Variants in ABCG5 observed in about 807,000 individuals in gnomAD.
ABCG5 encodes ATP-binding cassette sub-family G member 5.
ABCG5 carries 64 observed loss-of-function variants against 64.5 expected under a neutral mutation model. The ratio of observed to expected loss-of-function variants is 0.99; its 90% CI spans 0.81 to 1.22. The LOEUF (loss-of-function observed/expected upper bound fraction) is 1.22, where lower values mean the gene tolerates loss of function less well. Ranked by LOEUF, ABCG5 falls within the 50% of genes most tolerant of loss-of-function variation. The probability of loss-of-function intolerance (pLI) is 0.00; values close to 1 mark genes in which losing one functional copy is unlikely to be tolerated. For synonymous variants in ABCG5, 385 were observed against 326.3 expected (o/e 1.18, Z -1.94); for missense variants, 908 against 829.5 (o/e 1.09, Z -1.16).
rs1315848132 is a variant in ABCG5, at chr2:43,817,412, G to A, written c.1649+2503C>T. 2.6e-5 allele frequency among the ~76,000 whole-genome samples: 4 copies of A among 152,236 alleles called. No homozygotes were observed. The East Asian group carries it at 5.8e-4, about 22-fold the overall frequency. ...AGGCAGGAGAATTGCTTGAACCTGA[G>A]AGACGGAGGTTGCAGTGAGCCGAGA... On this transcript the variant is annotated intron_variant, in intron 11 of 12. Transcript: ENST00000405322.
rs576281950 is a variant in ABCG5, at chr2:43,829,888, C to T, written c.502-1773G>A. 2.1e-4 allele frequency among the ~76,000 whole-genome samples: 32 copies of T among 152,082 alleles called. 1 individual carries two copies. In the South Asian group the frequency reaches 6.7e-3, roughly 32 times the overall value. ...CGGCATAGATGTAGCTTTGACCCAC[C>T]CAAAGAATGGACATATCTGAAATAG... is the stretch of plus-strand genomic sequence containing the variant. On this transcript the variant is annotated intron_variant, in intron 4 of 12. Coordinates refer to ENST00000405322, the MANE Select transcript of ABCG5 (RefSeq NM_022436.3).
Position 43,831,980 on chromosome 2 carries a change from C to T in ABCG5, c.369G>A (p.Glu123=), listed in dbSNP as rs1416450195. 1 of 1,552,650 alleles carries T rather than the reference C, an allele frequency of 6.4e-7. No individual in the cohort carries two copies. The highest frequency in any genetic ancestry group is 8.7e-7 in the Non-Finnish European group (1 of 1,148,084). The change falls in exon 3 of 13, where the codon GAG becomes GAA. Residue 123 remains glutamate, a synonymous_variant. Transcript: ENST00000405322. ...VYVNGRALRR[E]QFQDCFSYVL... is the part of the protein sequence containing the mutation. ...CGTAGGAGAAGCAGTCCTGGAACTG[C>T]TCCCGGCGCAGCGCCCGGCCGTTCA...
At chr2:43,835,880 A>C (rs1324067846) in intron 2 of ABCG5, among the ~76,000 whole-genome samples, 1 of 151,986 alleles carries the variant, frequency 6.6e-6, no homozygotes, top group Non-Finnish European at 1.5e-5. Flanking sequence ...TTTATAAGCC[A>C]CCCAGTCTAT....
In ABCG5 at chr2:43,827,999, C is replaced by A; in HGVS notation, c.618G>T (p.Gln206His). 3 of 1,614,116 alleles carry A rather than the reference C, an allele frequency of 1.9e-6. No individual in the cohort carries two copies. Among genetic ancestry groups the A allele is most frequent in the Non-Finnish European group, 2.5e-6 (3 of 1,180,036 alleles). Residue 206 changes from glutamine to histidine, a missense_variant, in exon 5 of 13, where the codon CAG becomes CAT. Transcript: ENST00000405322. ...GCCACTTACTAGGATCCTGGAGCAGCTGGGCTGCGATGGAGACCCGGCGCC... is the reference window on the plus strand; with the variant it reads ...GCCACTTACTAGGATCCTGGAGCAGATGGGCTGCGATGGAGACCCGGCGCC... Reference protein sequence around the residue: ...GERRRVSIAAQLLQDPKVMLF... With the variant: ...GERRRVSIAAHLLQDPKVMLF...
intron 5 of ABCG5, 115 bp from the exon 6 acceptor site, chr2:43,826,636 C>T (rs916689297): frequency 1.1e-5 from 16 of 1,489,318 alleles, no homozygotes; most frequent in South Asian, 6.8e-5. Flanking sequence ...AAACAGTGTG[C>T]GGTGGGAAGT....
intron 10 of ABCG5, 21 bp downstream of exon 10, chr2:43,822,776 G>C: frequency 1.2e-6 from 2 of 1,614,096 alleles, no homozygotes; most frequent in African/African-American, 2.7e-5. Flanking sequence ...CCGGCCCTGG[G>C]TGAACTGAAC....
chr2:43,821,643 T>C (rs1363695970), intron 10 of ABCG5, among the ~76,000 whole-genome samples: 1 of 152,196 alleles, frequency 6.6e-6, no homozygotes, highest in Non-Finnish European at 1.5e-5. Flanking sequence ...ATTGCCGCAC[T>C]AACTGGATCC....
chr2:43,807,146 A>G, the ABCG5 span, among the ~76,000 whole-genome samples: 1 of 152,124 alleles, frequency 6.6e-6, no homozygotes, highest in Admixed American at 6.5e-5. Context: ...ATACTATTTC[A>G]TGAGTAGTTG....
downstream of ABCG5, chr2:43,809,871 T>C (rs1666419489): frequency 2.1e-6 from 3 of 1,452,970 alleles, no homozygotes; most frequent in East Asian, 2.6e-5. Flanking sequence ...TTAAACTGTA[T>C]AATTTGTTAA....
intron 11 of ABCG5, 43 bp from the exon 12 acceptor site, chr2:43,814,632 C>A (rs1666701121): frequency 8.7e-7 from 1 of 1,145,566 alleles, no homozygotes; most frequent in African/African-American, 1.5e-5. Flanking sequence ...TAGGCTCTGG[C>A]AATAGTCCTA....
At chr2:43,820,488 C>G (rs1338933651) in intron 10 of ABCG5, among the ~76,000 whole-genome samples, 1 of 152,246 alleles carries the variant, frequency 6.6e-6, no homozygotes, top group African/African-American at 2.4e-5. Context: ...AGGGCTCACC[C>G]AACCCGCTTC....
chr2:43,822,478 GCC>G, intron 10 of ABCG5: 1 of 463,378 alleles, frequency 2.2e-6, no homozygotes, highest in Non-Finnish European at 2.8e-6. Flanking sequence ...CCTCCCCCAG[GCC>G]CCCCCCCATG....
At chr2:43,810,281 C>G, downstream of ABCG5, 1 of 819,918 alleles carries the variant, frequency 1.2e-6, no homozygotes, top group Non-Finnish European at 1.5e-6. Context: ...CCTAGAGTGT[C>G]GCCATCAGTG....
intron 4 of ABCG5, chr2:43,828,393 T>C (rs1455498175): frequency 6.5e-6 from 3 of 464,558 alleles, no homozygotes; most frequent in East Asian, 5.5e-5. Flanking sequence ...CCCAATACTT[T>C]GGAAGGCTGA....
At chr2:43,808,878 A>G (rs1036734948), downstream of ABCG5, among the ~76,000 whole-genome samples, 3 of 152,056 alleles carry the variant, frequency 2.0e-5, no homozygotes, top group Admixed American at 6.6e-5. Context: ...AGACAGAGCA[A>G]TGGGTTTCCT....
At chr2:43,825,587 T>TTTGTTGTTGTTTTGTTGTTA (rs1239048233) in intron 6 of ABCG5, among the ~76,000 whole-genome samples, 10 of 151,542 alleles carry the variant, frequency 6.6e-5, no homozygotes, top group African/African-American at 2.4e-4. Flanking sequence ...CTTGGCTTAA[T>TTTGTTGTTGTTTTGTTGTTA]TTGTTGTTGT....
At chr2:43,824,194 T>G in intron 8 of ABCG5, 25 bp downstream of exon 8, 1 of 1,614,086 alleles carries the variant, frequency 6.2e-7, no homozygotes, top group South Asian at 1.1e-5. Flanking sequence ...CTAACAGGCA[T>G]TTCTCACATT....
rs1053063200 is a variant in ABCG5 at position 43,820,092 on chromosome 2, C to T, written c.1472G>A (p.Gly491Asp). 3.1e-6 allele frequency: 5 copies of T among 1,613,710 alleles called. No individual in the cohort carries two copies. The highest frequency in any genetic ancestry group is 4.2e-6 in the Non-Finnish European group (5 of 1,179,834). ...AAATCGGGCAACCTCAGGATGTAAG[C>T]CCAGCGTCCTAGAAAAGCATAAGCT... ...IFSSVCYWTL[G>D]LHPEVARFGY... The change falls in exon 11 of 13, where the codon GGC becomes GAC. Residue 491 changes from glycine (G) to aspartate (D), a missense_variant. Physicochemically the swap from Gly to Asp is moderately conservative, Grantham distance 94. Coordinates refer to ENST00000405322, the MANE Select transcript of ABCG5 (RefSeq NM_022436.3).
downstream of ABCG5, among the ~76,000 whole-genome samples, chr2:43,809,281 C>T (rs79579511): frequency 8.6e-3 from 1,306 of 152,182 alleles, 24 homozygotes; most frequent in African/African-American, 0.03. Context: ...AATGAGCCAC[C>T]GCACCCAGCC....
Sources: gnomAD v4.1 joint callset for allele counts (sites outside exome capture counted in the v4.1 genomes callset) on GRCh38, gnomAD v4.1.1 for gene constraint, MANE v1.5 for transcripts, NCBI Gene and HGNC (gene_info 2026-07-23, HGNC 2026-07-21) for gene names.